The following RCSD1 variants were observed in gnomAD, a reference collection of about 807,000 sequenced individuals.
The protein encoded by RCSD1 is capZ-interacting protein.
RCSD1 carries 26 observed loss-of-function variants against 42.5 expected under a neutral mutation model. That is an observed-to-expected ratio of 0.61 (90% CI 0.45 to 0.85). RCSD1 has a LOEUF of 0.85. RCSD1 is among the 40% of genes least tolerant of loss of function. RCSD1 has a pLI of 0.00. For synonymous variants in RCSD1, 220 were observed against 212.2 expected, an observed-to-expected ratio of 1.04 and a Z score of -0.32; for missense variants, 571 against 528.3, an observed-to-expected ratio of 1.08 and a Z score of -0.79.
rs527729959 is a variant in RCSD1 at position 167,647,869 on chromosome 1, C to G, written c.6+17440C>G. ...AAAATACTAATTTGCTAAAATTAAG[C>G]TAATCTTAAATATTTTAAGATTTGA... On this transcript the variant is annotated intron_variant, in intron 1 of 6. Transcript: ENST00000367854. Among the ~76,000 whole-genome samples, 21 of 152,306 alleles carry G rather than the reference C, an allele frequency of 1.4e-4. No individual in the cohort carries two copies. The South Asian group carries it at 4.4e-3, about 32-fold the overall frequency.
chr1:167,683,932 C>A lies in RCSD1; in HGVS notation c.39C>A (p.Asp13Glu), dbSNP rs976913898. 1.9e-6 allele frequency: 3 copies of A among 1,614,242 alleles called. No homozygotes were observed. Reference sequence around the variant, plus strand: ...CGGCAGAGACCAATGCCAATGTGGACAACTCGGCGTCCCCCTCGGTGGCCC... The same window carrying A: ...CGGCAGAGACCAATGCCAATGTGGAAAACTCGGCGTCCCCCTCGGTGGCCC... ...ERPAETNANVDNSASPSVAQL... is the reference protein window; with the variant it reads ...ERPAETNANVENSASPSVAQL... Residue 13 changes from aspartate (D) to glutamate (E), a missense_variant, in exon 2 of 7, where the codon GAC (aspartate) becomes GAA (glutamate). By Grantham distance (45) the Asp-to-Glu change is conservative (BLOSUM62 2). Coordinates refer to ENST00000367854, the MANE Select transcript of RCSD1 (RefSeq NM_052862.4).
At chr1:167,660,431 A>G (rs1266553599) in intron 1 of RCSD1, among the ~76,000 whole-genome samples, 1 of 150,904 alleles carries the variant, frequency 6.6e-6, no homozygotes, top group East Asian at 1.9e-4. Context: ...CATGCCCCCT[A>G]GAGTTACAAC....
chr1:167,647,554 C>T (rs1363571764), intron 1 of RCSD1, among the ~76,000 whole-genome samples: 2 of 152,000 alleles, frequency 1.3e-5, no homozygotes, highest in Non-Finnish European at 2.9e-5. Flanking sequence ...GACCTCATCT[C>T]TAAAATAACT....
intron 6 of RCSD1, among the ~76,000 whole-genome samples, chr1:167,699,016 T>G (rs1659577945): frequency 6.6e-6 from 1 of 152,136 alleles, no homozygotes; most frequent in African/African-American, 2.4e-5. Context: ...GCCAGGATGA[T>G]CTCGATCTCC....
In RCSD1 at chr1:167,651,000, G is replaced by A. The variant is rs1571678197; in HGVS notation, c.6+20571G>A. On this transcript the variant is annotated intron_variant, in intron 1 of 6. Coordinates refer to ENST00000367854, the MANE Select transcript of RCSD1 (RefSeq NM_052862.4). Reference sequence around the variant, plus strand: ...GGTGTCAGCAGTGCTGGCTCCCTCTGATGCCTCTCTCCATCTTCTCCCTGT... The same window carrying A: ...GGTGTCAGCAGTGCTGGCTCCCTCTAATGCCTCTCTCCATCTTCTCCCTGT... 2.0e-5 allele frequency among the ~76,000 whole-genome samples: 3 copies of A among 152,198 alleles called. No individual in the cohort carries two copies. The South Asian group carries it at 6.2e-4, about 31-fold the overall frequency.
At chr1:167,692,710 C>T (rs896608356) in intron 4 of RCSD1, among the ~76,000 whole-genome samples, 10 of 152,064 alleles carry the variant, frequency 6.6e-5, no homozygotes, top group South Asian at 2.1e-4. Flanking sequence ...ATTTAACTTT[C>T]GTATTTTATA....
intron 1 of RCSD1, among the ~76,000 whole-genome samples, chr1:167,669,638 C>T (rs1198963777): frequency 3.3e-5 from 5 of 152,242 alleles, no homozygotes; most frequent in African/African-American, 1.2e-4. Flanking sequence ...ACTCGGTGCT[C>T]AGGATGTTGC....
At chr1:167,683,100 C>T (rs1045522495) in intron 1 of RCSD1, among the ~76,000 whole-genome samples, 6 of 152,176 alleles carry the variant, frequency 3.9e-5, no homozygotes, top group East Asian at 1.9e-4. Context: ...CTTCAGGGAA[C>T]CTGGGGGCAC....
rs1292687993 is a variant in RCSD1, at chr1:167,684,860, G to A, written c.109-561G>A. On this transcript the variant is annotated intron_variant, in intron 2 of 6. Coordinates refer to ENST00000367854, the MANE Select transcript of RCSD1 (RefSeq NM_052862.4). The stretch of plus-strand genomic sequence containing the variant: ...TTGCACTCCAGCCCGGGCAACAAGA[G>A]CGAAACTCAGTCTCAAAATAAATAA... Among the ~76,000 whole-genome samples the A allele has an allele frequency of 3.3e-5, 5 of 152,260 alleles. 1 individual carries two copies. Among genetic ancestry groups the A allele is most frequent in the Admixed American group, 3.3e-4 (5 of 15,288 alleles).
At chr1:167,701,252 G>GTTTCTTTC (rs11446259) in intron 6 of RCSD1, among the ~76,000 whole-genome samples, 11,216 of 95,976 alleles carry the variant, frequency 0.12, 1,057 homozygotes, top group East Asian at 0.22. Context: ...CAATTGCCTA[G>GTTTCTTTC]TTTCTTTCTT....
intron 1 of RCSD1, among the ~76,000 whole-genome samples, chr1:167,680,132 A>T (rs918431822): frequency 6.6e-6 from 1 of 152,102 alleles, no homozygotes; most frequent in African/African-American, 2.4e-5. Context: ...GGGCCCAGGA[A>T]GATGGAGTAC....
At chr1:167,684,798 C>T (rs1287741385) in intron 2 of RCSD1, among the ~76,000 whole-genome samples, 1 of 152,132 alleles carries the variant, frequency 6.6e-6, no homozygotes, top group East Asian at 1.9e-4. Context: ...CGCTTGAACC[C>T]AGGAGGTGGA....
At chr1:167,669,522 C>G (rs1558082996) in intron 1 of RCSD1, among the ~76,000 whole-genome samples, 2 of 152,230 alleles carry the variant, frequency 1.3e-5, no homozygotes, top group Admixed American at 1.3e-4. Context: ...AGCCCTTGCC[C>G]CATCTGCTCT....
intron 2 of RCSD1, among the ~76,000 whole-genome samples, chr1:167,684,738 G>T (rs950747180): frequency 1.3e-5 from 2 of 152,184 alleles, no homozygotes; most frequent in African/African-American, 4.8e-5. Context: ...GCCGGGCGTG[G>T]TGGCACATGC....
At chr1:167,684,406 G>A (rs1401716454) in intron 2 of RCSD1, among the ~76,000 whole-genome samples, 3 of 152,208 alleles carry the variant, frequency 2.0e-5, no homozygotes, top group African/African-American at 7.2e-5. Context: ...TCCAAATCGA[G>A]AATTGAGAAA....
intron 1 of RCSD1, among the ~76,000 whole-genome samples, chr1:167,641,080 A>G (rs1387529650): frequency 6.6e-6 from 1 of 152,186 alleles, no homozygotes; most frequent in African/African-American, 2.4e-5. Context: ...GGTAGCCCGT[A>G]TATACAGCTG....
intron 1 of RCSD1, chr1:167,633,717 C>G (rs888185426): frequency 1.8e-4 from 27 of 152,174 alleles, no homozygotes. Context: ...CAGTAGGAAA[C>G]TCTGAGAGGT....
chr1:167,692,543 AG>A (rs1659400182), intron 4 of RCSD1, among the ~76,000 whole-genome samples: 1 of 151,558 alleles, frequency 6.6e-6, no homozygotes, highest in Non-Finnish European at 1.5e-5. Context: ...TTTTTAGACA[AG>A]GTCTTGCTTT....
rs1029842420 is a variant in RCSD1, at chr1:167,708,658, A to G, written c.*3962A>G. Among the ~76,000 whole-genome samples the G allele has an allele frequency of 2.6e-5, 4 of 152,220 alleles. No homozygotes were observed. The highest frequency in any genetic ancestry group is 5.9e-5 in the Non-Finnish European group (4 of 68,044). ...TTCTTCATTGTACACAGTGCCTCAG[A>G]CATAGTAGGTATTCAATAAATATTT... On this transcript the variant is annotated 3_prime_UTR_variant, in exon 7 of 7. Transcript: ENST00000367854.
Sources: gnomAD v4.1 joint callset for allele counts (sites outside exome capture counted in the v4.1 genomes callset) on GRCh38, gnomAD v4.1.1 for gene constraint, MANE v1.5 for transcripts, NCBI Gene and HGNC (gene_info 2026-07-23, HGNC 2026-07-21) for gene names.